Variants in OSBPL7 observed in about 807,000 individuals in gnomAD.
OSBPL7 encodes the protein oxysterol-binding protein-related protein 7.
OSBPL7 carries 66 observed loss-of-function variants against 115.8 expected under a neutral mutation model. That is an observed-to-expected ratio of 0.57 (90% confidence interval 0.47 to 0.70). The LOEUF is 0.70. Among genes scored for constraint, OSBPL7 ranks in the 30% least tolerant of loss-of-function variants. The probability of loss-of-function intolerance (pLI) is 0.00; values close to 1 mark genes in which losing one functional copy is unlikely to be tolerated. For synonymous variants in OSBPL7, 441 were observed against 439.2 expected (o/e 1.00, Z -0.05); for missense variants, 902 against 1,125.5 (o/e 0.80, Z 2.84).
At chr17:47,819,921 TCC>T in intron 3 of OSBPL7, 48 bp downstream of exon 3, 1 of 1,343,820 alleles carries the variant, frequency 7.4e-7, no homozygotes, top group Non-Finnish European at 1.0e-6. Flanking sequence ...TGCCCCCCAT[TCC>T]CACCCCGCCC....
chr17:47,817,162 A>C, intron 8 of OSBPL7, 94 bp downstream of exon 8: 1 of 1,013,692 alleles, frequency 9.9e-7, no homozygotes, highest in Non-Finnish European at 1.5e-6. Context: ...GCTCTCCAGG[A>C]AACTGCAGCG....
chr17:47,810,685 TA>T lies in OSBPL7; in HGVS notation c.1802-14del. On this transcript the variant is annotated splice_polypyrimidine_tract_variant and intron_variant, in intron 17 of 22. Transcript: ENST00000007414. ...TTCCACTTCATATCTGGAATTGGAT[TA>T]GGGGAGGGAGAGTGAACAACAGAGA... 1 of 1,613,598 alleles carries T rather than the reference TA, an allele frequency of 6.2e-7. No homozygotes were observed. Among genetic ancestry groups the T allele is most frequent in the Non-Finnish European group, 8.5e-7 (1 of 1,179,502 alleles).
In OSBPL7 at chr17:47,809,090, C is replaced by T; in HGVS notation, c.2156G>A (p.Cys719Tyr). 1 of 1,614,052 alleles carries T rather than the reference C, an allele frequency of 6.2e-7. No individual in the cohort carries two copies. The highest frequency in any genetic ancestry group is 8.5e-7 in the Non-Finnish European group (1 of 1,180,044). The change falls in exon 20 of 23, where the codon TGC becomes TAC. Residue 719 changes from cysteine (C) to tyrosine (Y), a missense_variant. By Grantham distance (194) the Cys-to-Tyr change is radical (BLOSUM62 -2). Coordinates refer to ENST00000007414, the MANE Select transcript of OSBPL7 (RefSeq NM_145798.3). ...LYRGPTPGGQ[C>Y]IWKPNSMPPD... ...CCTCCACTTACTGGGTTTCCAGATG[C>T]ACTGGCCACCTGGCGTGGGTCCCCG...
In OSBPL7 at chr17:47,816,450, G is replaced by A; in HGVS notation, c.961C>T (p.Leu321Phe). ...CTCAGTTGGTCCCGTTCCATGGTGA[G>A]GGCGGCCAGGACGCTGCTGAGGGAG... ...HSSLSSVLAALTMERDQLRDM... is the reference protein window; with the variant it reads ...HSSLSSVLAAFTMERDQLRDM... The change falls in exon 11 of 23, where the codon CTC becomes TTC. Residue 321 changes from leucine (L) to phenylalanine (F), a missense_variant. Transcript: ENST00000007414. This position sits in a 1 kb window ranked among gnomAD's most constrained non-coding sequence, Gnocchi z 5.8. 4 of 1,546,464 alleles carry A rather than the reference G, an allele frequency of 2.6e-6. No homozygotes were observed. The highest frequency in any genetic ancestry group is 3.5e-6 in the Non-Finnish European group (4 of 1,144,460).
chr17:47,808,204 G>T lies in OSBPL7; in HGVS notation c.*87C>A. The T allele has an allele frequency of 9.6e-7, 1 of 1,046,086 alleles. No individual in the cohort carries two copies. The highest frequency in any genetic ancestry group is 1.4e-5 in the South Asian group (1 of 73,128). 64.8% of individuals were successfully genotyped at this position (1,046,086 alleles called of 1,614,324 possible). Reference sequence around the variant, plus strand: ...CTTTGGTCTCAAGGGCAGTGAGGCGGGGAGCCCGGCCTCACCCATGTGTCC... The same window carrying T: ...CTTTGGTCTCAAGGGCAGTGAGGCGTGGAGCCCGGCCTCACCCATGTGTCC... On this transcript the variant is annotated 3_prime_UTR_variant, in exon 23 of 23. Transcript: ENST00000007414. This position sits in a 1 kb window ranked among gnomAD's most constrained non-coding sequence, Gnocchi z 6.1.
In OSBPL7 at chr17:47,815,312, TG is replaced by T. The variant is rs2033177812; in HGVS notation, c.1159del (p.Gln387SerfsTer91). 6.2e-7 allele frequency: 1 copy of T among 1,613,902 alleles called. No homozygotes were observed. Among genetic ancestry groups the T allele is most frequent in the Non-Finnish European group, 8.5e-7 (1 of 1,179,960 alleles). ...LYMKGRELTPQLSQTSILSLA... is the reference protein window; with the variant it reads ...LYMKGRELTPXLSQTSILSLA... ...GGACAGGATGCTGGTCTGCGATAGC[TG>T]GGGGGTGAGCTCGCGCCCCTTCATG... On this transcript the variant is annotated frameshift_variant, in exon 13 of 23. Transcript: ENST00000007414. LOFTEE classifies it high-confidence loss of function.
rs773341155 is a variant in OSBPL7, at chr17:47,809,160, G to A, written c.2086C>T (p.Arg696Cys). 1.4e-5 allele frequency: 22 copies of A among 1,614,012 alleles called. No individual in the cohort carries two copies. The highest frequency in any genetic ancestry group is 1.1e-4 in the South Asian group (10 of 91,082). Reference sequence around the variant, plus strand: ...TTCCCAAAGAGTCGGTGGAGGACACGGCCACTCCGACTGAGCACAGCGCCC... The same window carrying A: ...TTCCCAAAGAGTCGGTGGAGGACACAGCCACTCCGACTGAGCACAGCGCCC... ...VQGAVLSRSG[R>C]VLHRLFGKWH... Residue 696 changes from arginine (R) to cysteine (C), a missense_variant, in exon 20 of 23, where the codon CGT becomes TGT. Arg to Cys is a radical substitution (Grantham distance 180). This residue lies in a region of OSBPL7 where 230 missense variants were observed against 312.7 expected (regional missense o/e 0.74). Transcript: ENST00000007414.
chr17:47,809,618 A>C, intron 18 of OSBPL7, 140 bp from the exon 19 acceptor site: 1 of 919,314 alleles, frequency 1.1e-6, no homozygotes, highest in South Asian at 1.7e-5. Flanking sequence ...GCAGTGAAGG[A>C]TGACTTATAT....
rs1008934 is a variant in OSBPL7, at chr17:47,807,480, G to C, written c.*811C>G. ...GGTGGACCCCCAGCAGGGGGAAGGC[G>C]GGGCTACATGAGGGAGCCCTGCTTG... On this transcript the variant is annotated 3_prime_UTR_variant, in exon 23 of 23. Coordinates refer to ENST00000007414, the MANE Select transcript of OSBPL7 (RefSeq NM_145798.3). The C allele has an allele frequency of 0.89, 136,246 of 152,670 alleles. 61,167 individuals are homozygous for C. Among genetic ancestry groups the C allele is most frequent in the Middle Eastern group, 0.98 (289 of 296 alleles). 9.5% of individuals were successfully genotyped at this position (152,670 alleles called of 1,614,324 possible).
In OSBPL7 at chr17:47,815,927, G is replaced by A. The variant is rs189123512; in HGVS notation, c.1119+180C>T. 1.8e-4 allele frequency: 103 copies of A among 561,054 alleles called. 1 individual carries two copies. The highest frequency in any genetic ancestry group is 1.7e-3 in the South Asian group (73 of 42,496). The allele number at this position is 561,054 out of a possible 1,614,324, so 34.8% of individuals were successfully genotyped here. On this transcript the variant is annotated intron_variant, in intron 12 of 22. Coordinates refer to ENST00000007414, the MANE Select transcript of OSBPL7 (RefSeq NM_145798.3). ...AATTAAAAGTAAAAGTACCCTGCAC[G>A]TTGTTACACAATGATCGAGATGGGG...
In OSBPL7 at chr17:47,819,963, C is replaced by A; in HGVS notation, c.201+8G>T. 6.2e-7 allele frequency: 1 copy of A among 1,606,730 alleles called. No homozygotes were observed. The highest frequency in any genetic ancestry group is 1.1e-5 in the South Asian group (1 of 90,612). ...TGTCTGGACCCTCCCTTTGCCTGCC[C>A]ACCCTACCTTGTGCCAGCCCTTCAG... On this transcript the variant is annotated splice_region_variant and intron_variant, in intron 3 of 22. Transcript: ENST00000007414.
Position 47,811,117 on chromosome 17 carries a change from G to A in OSBPL7, c.1738-282C>T, listed in dbSNP as rs964679330. Among the ~76,000 whole-genome samples, 30 of 152,038 alleles carry A rather than the reference G, an allele frequency of 2.0e-4. No homozygotes were observed. The East Asian group carries it at 5.2e-3, about 26-fold the overall frequency. The stretch of plus-strand genomic sequence containing the variant: ...CCTGCTCAAGCCTGAAAAGTTCCCC[G>A]CAACAGTGATGGGTGGGGCCTCCAC... On this transcript the variant is annotated intron_variant, in intron 16 of 22. Coordinates refer to ENST00000007414, the MANE Select transcript of OSBPL7 (RefSeq NM_145798.3).
chr17:47,821,159 G>C (rs1283931934), intron 1 of OSBPL7, among the ~76,000 whole-genome samples: 1 of 152,204 alleles, frequency 6.6e-6, no homozygotes, highest in African/African-American at 2.4e-5. Context: ...GGCACCCTTG[G>C]CACTGGCCCT....
rs772944635 is a variant in OSBPL7, at chr17:47,814,577, G to A, written c.1295C>T (p.Thr432Ile). ...EEEESCTSEI[T>I]TSLSEEMLDL... is the part of the protein sequence containing the mutation. ...CAGCATCTCCTCAGACAGGCTGGTG[G>A]TGATTTCACTGGTACAGGACTCCTC... The change falls in exon 14 of 23, where the codon ACC becomes ATC. Residue 432 changes from threonine (T) to isoleucine (I), a missense_variant. Thr to Ile is a moderately conservative substitution (Grantham distance 89). Around this residue, in one of 3 missense-constraint regions of OSBPL7, gnomAD observed 667 missense variants for 788.7 expected, o/e 0.85. Coordinates refer to ENST00000007414, the MANE Select transcript of OSBPL7 (RefSeq NM_145798.3). 1.2e-6 allele frequency: 2 copies of A among 1,614,078 alleles called. No homozygotes were observed. Among genetic ancestry groups the A allele is most frequent in the Non-Finnish European group, 1.7e-6 (2 of 1,180,004 alleles).
At chr17:47,818,684 A>G in intron 5 of OSBPL7, 68 bp from the exon 6 acceptor site, 1 of 1,342,098 alleles carries the variant, frequency 7.5e-7, no homozygotes, top group South Asian at 1.3e-5. Context: ...GCAAGAAGTC[A>G]GGGCTCTGGT....
Position 47,813,670 on chromosome 17 carries a change from T to C in OSBPL7, c.1516A>G (p.Thr506Ala). 3.7e-6 allele frequency: 6 copies of C among 1,613,286 alleles called. No individual in the cohort carries two copies. The highest frequency in any genetic ancestry group is 5.1e-6 in the Non-Finnish European group (6 of 1,179,972). The change falls in exon 15 of 23, where the codon ACT becomes GCT. Residue 506 changes from threonine to alanine, a missense_variant. By Grantham distance (58) the Thr-to-Ala change is moderately conservative. This residue lies in a region of OSBPL7 where 667 missense variants were observed against 788.7 expected (regional missense o/e 0.85). Coordinates refer to ENST00000007414, the MANE Select transcript of OSBPL7 (RefSeq NM_145798.3). ...AGCTCCTCGCAGAGCCGCTGCAGAG[T>C]GTTGAGCGGCTCGTTGAGCTGCACA... Reference protein sequence around the residue: ...MPVQLNEPLNTLQRLCEELEY... With the variant: ...MPVQLNEPLNALQRLCEELEY...
Position 47,817,363 on chromosome 17 carries a change from CG to C in OSBPL7, c.599-5del. ...TTCCCCTGACACTCAGAGAGCTCTG[CG>C]GGGAAAAAGAACAAGAACAAGAACA... On this transcript the variant is annotated splice_region_variant and splice_polypyrimidine_tract_variant and intron_variant, in intron 7 of 22. Coordinates refer to ENST00000007414, the MANE Select transcript of OSBPL7 (RefSeq NM_145798.3). 6.3e-7 allele frequency: 1 copy of C among 1,593,012 alleles called. No individual in the cohort carries two copies. Among genetic ancestry groups the C allele is most frequent in the Non-Finnish European group, 8.5e-7 (1 of 1,170,438 alleles).
At chr17:47,814,972 C>A in intron 13 of OSBPL7, 1 of 582,728 alleles carries the variant, frequency 1.7e-6, no homozygotes, top group South Asian at 2.4e-5. Context: ...GGGGTTGCAA[C>A]TATGGCAGTA....
rs1361417271 is a variant in OSBPL7, at chr17:47,819,084, G to A, written c.271C>T (p.Leu91Phe). 2.5e-6 allele frequency: 4 copies of A among 1,613,988 alleles called. No individual in the cohort carries two copies. Among genetic ancestry groups the A allele is most frequent in the South Asian group, 1.1e-5 (1 of 91,074 alleles). The part of the protein sequence containing the change: ...TTRQDITKGK[L>F]HGSIDVRLSV... Reference sequence around the variant, plus strand: ...AGCCGGACATCGATGGAGCCATGGAGCTTCCCCTTGGTGATCTGGGGGTGA... The same window carrying A: ...AGCCGGACATCGATGGAGCCATGGAACTTCCCCTTGGTGATCTGGGGGTGA... The change falls in exon 5 of 23, where the codon CTC (leucine) becomes TTC (phenylalanine). Residue 91 changes from leucine (L) to phenylalanine (F), a missense_variant. Transcript: ENST00000007414.
Sources: allele counts gnomAD v4.1 joint callset (sites outside exome capture counted in the v4.1 genomes callset), GRCh38; gene constraint gnomAD v4.1.1; regional missense constraint gnomAD v4.1.1; non-coding constraint Gnocchi (gnomAD v3.1); transcripts MANE v1.5; gene names NCBI Gene and HGNC (gene_info 2026-07-23, HGNC 2026-07-21).